CTNND2: variants seen among roughly 807,000 people sequenced by gnomAD.
CTNND2 encodes the protein catenin delta-2.
Under a neutral mutation model 144.4 loss-of-function variants are expected in CTNND2, and 22 were observed. That is an observed-to-expected ratio of 0.15 (90% confidence interval 0.11 to 0.22). The LOEUF (loss-of-function observed/expected upper bound fraction) is 0.22. Ranked by LOEUF, CTNND2 falls within the 10% of genes least tolerant of loss-of-function variation. The pLI is 1.00. For missense variants in CTNND2, 1,353 were observed against 1,618.8 expected, an observed-to-expected ratio of 0.84 and a Z score of 2.82; for synonymous variants, 751 against 695.6, an observed-to-expected ratio of 1.08 and a Z score of -1.25.
At chr5:11,440,034 C>A (rs901526564) in intron 3 of CTNND2, among the ~76,000 whole-genome samples, 1 of 151,950 alleles carries the variant, frequency 6.6e-6, no homozygotes, top group Non-Finnish European at 1.5e-5. Context: ...AATAGTTATG[C>A]AGGTACAACT....
intron 3 of CTNND2, among the ~76,000 whole-genome samples, chr5:11,443,368 G>T (rs1407724538): frequency 1.7e-4 from 9 of 51,978 alleles, no homozygotes; most frequent in South Asian, 7.5e-4. Context: ...TGTGTGGGGG[G>T]GTGTGGCATG....
intron 3 of CTNND2, 115 bp from the exon 4 acceptor site, chr5:11,412,184 C>T: frequency 1.4e-6 from 1 of 701,522 alleles, no homozygotes; most frequent in Non-Finnish European, 2.5e-6. Context: ...GTTGCATTTC[C>T]TTTCATTTCT....
At chr5:11,294,761 G>T (rs935156615) in intron 9 of CTNND2, among the ~76,000 whole-genome samples, 1 of 152,092 alleles carries the variant, frequency 6.6e-6, no homozygotes, top group Non-Finnish European at 1.5e-5. Flanking sequence ...ATGCAGAAAA[G>T]GCCTTTGACA....
At chr5:11,334,010 T>C (rs1211211471) in intron 9 of CTNND2, among the ~76,000 whole-genome samples, 1 of 152,204 alleles carries the variant, frequency 6.6e-6, no homozygotes, top group Non-Finnish European at 1.5e-5. Flanking sequence ...ATGCTAGGTA[T>C]TGGGAGATTT....
At chr5:11,026,650 C>A (rs1363441861) in intron 16 of CTNND2, among the ~76,000 whole-genome samples, 7 of 152,152 alleles carry the variant, frequency 4.6e-5, no homozygotes, top group Non-Finnish European at 1.0e-4. Context: ...AGCCACCATG[C>A]ACAGCTGACT....
chr5:11,544,309 A>G (rs993793748), intron 3 of CTNND2, among the ~76,000 whole-genome samples: 2 of 152,220 alleles, frequency 1.3e-5, no homozygotes, highest in African/African-American at 4.8e-5. Flanking sequence ...ATAGAACTTA[A>G]AGTGGCATAT....
chr5:11,178,915 C>T (rs999204778), intron 11 of CTNND2, among the ~76,000 whole-genome samples: 4 of 152,108 alleles, frequency 2.6e-5, no homozygotes, highest in African/African-American at 9.7e-5. Flanking sequence ...TGTGGAACTA[C>T]AATAGCTTAT....
chr5:11,303,057 A>G (rs1749779650), intron 9 of CTNND2, among the ~76,000 whole-genome samples: 1 of 152,182 alleles, frequency 6.6e-6, no homozygotes, highest in South Asian at 2.1e-4. Context: ...TATGTAATGT[A>G]ATGTTCCAAG....
chr5:11,308,497 C>T (rs1206874546), intron 9 of CTNND2, among the ~76,000 whole-genome samples: 1 of 152,206 alleles, frequency 6.6e-6, no homozygotes, highest in Non-Finnish European at 1.5e-5. Context: ...CCAGATTTGT[C>T]CAGCAGTCTG....
intron 2 of CTNND2, among the ~76,000 whole-genome samples, chr5:11,723,968 T>C (rs1786851762): frequency 6.6e-6 from 1 of 151,562 alleles, no homozygotes; most frequent in Non-Finnish European, 1.5e-5. Context: ...GGCAGAAGAA[T>C]GGTGTGAACC....
chr5:11,657,809 C>A (rs573504238), intron 2 of CTNND2, among the ~76,000 whole-genome samples: 1 of 152,114 alleles, frequency 6.6e-6, no homozygotes, highest in East Asian at 1.9e-4. Flanking sequence ...CAGTATCACA[C>A]AATATATGCA....
intron 6 of CTNND2, among the ~76,000 whole-genome samples, chr5:11,393,844 A>C (rs1354436826): frequency 6.6e-6 from 1 of 152,122 alleles, no homozygotes; most frequent in Non-Finnish European, 1.5e-5. Context: ...AAGGTAGATC[A>C]TGTCGTTCCT....
intron 9 of CTNND2, among the ~76,000 whole-genome samples, chr5:11,254,101 A>G (rs1743950853): frequency 6.6e-6 from 1 of 152,216 alleles, no homozygotes. Context: ...GAAACATTGG[A>G]TTTTTAAAAT....
chr5:11,385,832 AAGTC>A (rs1438998550), intron 6 of CTNND2: 15 of 151,014 alleles, frequency 9.9e-5, no homozygotes, highest in African/African-American at 2.4e-4. Context: ...GAAAAATACT[AAGTC>A]AGAATGAATT....
intron 3 of CTNND2, among the ~76,000 whole-genome samples, chr5:11,498,572 TC>T (rs1195939635): frequency 2.0e-5 from 3 of 152,196 alleles, no homozygotes; most frequent in African/African-American, 7.2e-5. Flanking sequence ...AAAAAGACCT[TC>T]ATTAACTAGC....
At chr5:11,426,243 A>G (rs1762761564) in intron 3 of CTNND2, among the ~76,000 whole-genome samples, 1 of 152,180 alleles carries the variant, frequency 6.6e-6, no homozygotes, top group African/African-American at 2.4e-5. Flanking sequence ...TTTTATTGAT[A>G]CCATCACAGC....
At chr5:11,591,482 C>G (rs1779237200) in intron 2 of CTNND2, among the ~76,000 whole-genome samples, 1 of 152,078 alleles carries the variant, frequency 6.6e-6, no homozygotes, top group Admixed American at 6.5e-5. Context: ...TCATACCAGT[C>G]CCGTTTATTT....
At chr5:11,424,264 C>T (rs1392751565) in intron 3 of CTNND2, among the ~76,000 whole-genome samples, 1 of 152,072 alleles carries the variant, frequency 6.6e-6, no homozygotes, top group Non-Finnish European at 1.5e-5. Context: ...AGAGGAGTAA[C>T]GTTCTTGAAA....
intron 1 of CTNND2, among the ~76,000 whole-genome samples, chr5:11,851,653 GTCACAGGCAA>G (rs1484424575): frequency 1.3e-5 from 2 of 152,210 alleles, no homozygotes; most frequent in Non-Finnish European, 2.9e-5. Flanking sequence ...GTAGTACTGA[GTCACAGGCAA>G]TCATGTTTGT....
Sources: gnomAD v4.1 joint callset for allele counts (sites outside exome capture counted in the v4.1 genomes callset) on GRCh38, gnomAD v4.1.1 for gene constraint, MANE v1.5 for transcripts, NCBI Gene and HGNC (gene_info 2026-07-23, HGNC 2026-07-21) for gene names.